ACAP2: variants seen among roughly 807,000 people sequenced by gnomAD.
The protein encoded by ACAP2 is arf-GAP with coiled-coil, ANK repeat and PH domain-containing protein 2.
Under a neutral mutation model 115.8 loss-of-function variants are expected in ACAP2, and 39 were observed. That is an observed-to-expected ratio of 0.34 (90% CI 0.26 to 0.44). ACAP2 has a LOEUF of 0.44. Among genes scored for constraint, ACAP2 ranks in the 20% least tolerant of loss-of-function variants. The pLI is 1.00. For missense variants in ACAP2, 662 were observed against 927.6 expected (o/e 0.71, Z 3.72); for synonymous variants, 289 against 315.8 (o/e 0.92, Z 0.90).
In ACAP2 at chr3:195,317,973, C is replaced by T. The variant is rs547548371; in HGVS notation, c.857+2728G>A. ...AACTGTAATCCCCACATGCCATGGG[C>T]GGGATGTGGTGTGAGGTGACTGGGT... On this transcript the variant is annotated intron_variant, in intron 10 of 22. Coordinates refer to ENST00000326793, the MANE Select transcript of ACAP2 (RefSeq NM_012287.6). 5.9e-5 allele frequency among the ~76,000 whole-genome samples: 9 copies of T among 152,224 alleles called. No homozygotes were observed. In the East Asian group the frequency reaches 7.7e-4, roughly 13 times the overall value.
At chr3:195,379,103 T>A (rs994399476) in intron 4 of ACAP2, among the ~76,000 whole-genome samples, 1 of 152,020 alleles carries the variant, frequency 6.6e-6, no homozygotes, top group Non-Finnish European at 1.5e-5. Flanking sequence ...AGAAATCAAA[T>A]ATACCAAACA....
intron 1 of ACAP2, among the ~76,000 whole-genome samples, chr3:195,415,233 G>A (rs1713620186): frequency 6.6e-6 from 1 of 151,550 alleles, no homozygotes; most frequent in South Asian, 2.1e-4. Context: ...ATAATTCTCT[G>A]TACTTTCTGC....
chr3:195,310,006 C>G (rs141390521), intron 10 of ACAP2, among the ~76,000 whole-genome samples: 21 of 152,090 alleles, frequency 1.4e-4, no homozygotes, highest in Admixed American at 2.6e-4. Context: ...GTATTTGAAT[C>G]ATTATTTTAA....
intron 4 of ACAP2, among the ~76,000 whole-genome samples, chr3:195,352,157 A>G (rs553944014): frequency 4.6e-5 from 7 of 152,224 alleles, no homozygotes; most frequent in African/African-American, 1.2e-4. Context: ...TTAAATACAC[A>G]AATATCTACC....
chr3:195,369,792 T>A (rs1293036791), intron 4 of ACAP2, among the ~76,000 whole-genome samples: 3 of 152,178 alleles, frequency 2.0e-5, no homozygotes, highest in Admixed American at 2.0e-4. Flanking sequence ...GATTGCTGGG[T>A]CAAATGGTAG....
At chr3:195,368,202 C>G (rs189116014) in intron 4 of ACAP2, among the ~76,000 whole-genome samples, 1 of 152,120 alleles carries the variant, frequency 6.6e-6, no homozygotes, top group African/African-American at 2.4e-5. Flanking sequence ...CAGACTGGAG[C>G]GCAGTGGCTC....
chr3:195,292,285 G>A lies in ACAP2; in HGVS notation c.1933C>T (p.Leu645Phe). ...ANSEENKATPLIQAVLGGSLV... is the reference protein window; with the variant it reads ...ANSEENKATPFIQAVLGGSLV... ...CATACCCCTAATACAGCCTGAATAA[G>A]TGGTGTCGCTTTGTTTTCCTCTGAA... The change falls in exon 19 of 23, where the codon CTT (leucine) becomes TTT (phenylalanine). Residue 645 changes from leucine to phenylalanine, a missense_variant. Leu to Phe is a conservative substitution (Grantham distance 22, BLOSUM62 0). Coordinates refer to ENST00000326793, the MANE Select transcript of ACAP2 (RefSeq NM_012287.6). 6.3e-7 allele frequency: 1 copy of A among 1,596,516 alleles called. No homozygotes were observed.
In ACAP2 at chr3:195,308,791, A is replaced by T. The variant is rs1045333391; in HGVS notation, c.904T>A (p.Phe302Ile). The T allele has an allele frequency of 6.2e-7, 1 of 1,609,408 alleles. No individual in the cohort carries two copies. ...QNNQLVYQKK[F>I]KDNPTVVVED... ...TTTCATTTATTAACACCTACCTTAAATTTTTTCTGGTAAACCAACTGATTA... is the reference window on the plus strand; with the variant it reads ...TTTCATTTATTAACACCTACCTTAATTTTTTTCTGGTAAACCAACTGATTA... The change falls in exon 11 of 23, where the codon TTT becomes ATT. Residue 302 changes from phenylalanine (F) to isoleucine (I), a missense_variant. Physicochemically the swap from Phe to Ile is conservative, Grantham distance 21. Coordinates refer to ENST00000326793, the MANE Select transcript of ACAP2 (RefSeq NM_012287.6).
At chr3:195,292,500 A>T (rs762295629) in intron 18 of ACAP2, 48 bp from the exon 19 acceptor site, 1 of 1,529,828 alleles carries the variant, frequency 6.5e-7, no homozygotes, top group Admixed American at 2.2e-5. Flanking sequence ...TCTTGGCAGA[A>T]AAAGAAAAAA....
chr3:195,365,560 T>C (rs1732658412), intron 4 of ACAP2, among the ~76,000 whole-genome samples: 2 of 151,856 alleles, frequency 1.3e-5, no homozygotes, highest in South Asian at 4.2e-4. Flanking sequence ...AAGGGAGACC[T>C]TGTCTCTAAA....
intron 17 of ACAP2, 173 bp downstream of exon 17, chr3:195,295,535 T>A (rs1367665339): frequency 9.8e-6 from 7 of 715,794 alleles, no homozygotes; most frequent in Admixed American, 8.9e-5. Flanking sequence ...TATTATGGCA[T>A]TGTTTAAAGT....
At chr3:195,338,739 G>A (rs1386832595) in intron 6 of ACAP2, among the ~76,000 whole-genome samples, 2 of 151,902 alleles carry the variant, frequency 1.3e-5, no homozygotes, top group Non-Finnish European at 2.9e-5. Flanking sequence ...TTTTATTTTT[G>A]TCTGTTATTA....
intron 16 of ACAP2, among the ~76,000 whole-genome samples, chr3:195,296,789 T>G (rs1273865962): frequency 6.6e-6 from 1 of 152,214 alleles, no homozygotes; most frequent in East Asian, 1.9e-4. Flanking sequence ...ACTATGTGAT[T>G]AACAAATCTT....
rs146976596 is a variant in ACAP2, at chr3:195,358,040, G to C, written c.286-12723C>G. Reference sequence around the variant, plus strand: ...TTTAGCTCCACCTGGTCTCTCCCTTGACACGTGGGGATTATGGGGATTACA... The same window carrying C: ...TTTAGCTCCACCTGGTCTCTCCCTTCACACGTGGGGATTATGGGGATTACA... On this transcript the variant is annotated intron_variant, in intron 4 of 22. Coordinates refer to ENST00000326793, the MANE Select transcript of ACAP2 (RefSeq NM_012287.6). Among the ~76,000 whole-genome samples, 154 of 152,270 alleles carry C rather than the reference G, an allele frequency of 1.0e-3. 1 individual carries two copies. Among genetic ancestry groups the C allele is most frequent in the African/African-American group, 3.7e-3 (152 of 41,560 alleles).
At chr3:195,441,130 T>TA (rs58154058) in intron 1 of ACAP2, among the ~76,000 whole-genome samples, 34,716 of 143,262 alleles carry the variant, frequency 0.24, 4,692 homozygotes, top group East Asian at 0.7. Flanking sequence ...TCTCTCAACT[T>TA]AAAAAAAAAA....
At chr3:195,404,954 C>G (rs1472136033) in intron 1 of ACAP2, among the ~76,000 whole-genome samples, 1 of 151,854 alleles carries the variant, frequency 6.6e-6, no homozygotes, top group East Asian at 1.9e-4. Flanking sequence ...AGCACCACAA[C>G]ACCCGGCTAC....
chr3:195,366,941 C>CT (rs765465691), intron 4 of ACAP2, among the ~76,000 whole-genome samples: 6 of 150,954 alleles, frequency 4.0e-5, no homozygotes, highest in Non-Finnish European at 8.8e-5. Context: ...CATGAGGCCT[C>CT]TATCACACTA....
At chr3:195,359,836 G>C (rs184408383) in intron 4 of ACAP2, among the ~76,000 whole-genome samples, 1 of 152,042 alleles carries the variant, frequency 6.6e-6, no homozygotes, top group East Asian at 1.9e-4. Flanking sequence ...ATTTGCTACC[G>C]TAAGATACTA....
chr3:195,340,748 A>G (rs1730813540), intron 6 of ACAP2, among the ~76,000 whole-genome samples: 1 of 152,192 alleles, frequency 6.6e-6, no homozygotes, highest in South Asian at 2.1e-4. Flanking sequence ...GAGCCATTTC[A>G]GTGGGTTAGG....
Sources: allele counts gnomAD v4.1 joint callset (sites outside exome capture counted in the v4.1 genomes callset), GRCh38; gene constraint gnomAD v4.1.1; transcripts MANE v1.5; gene names NCBI Gene and HGNC (gene_info 2026-07-23, HGNC 2026-07-21).